The following FAF1 variants were observed in gnomAD, a reference collection of about 807,000 sequenced individuals.
FAF1 encodes the protein Fas associated factor 1.
In FAF1, 25 loss-of-function variants were observed where a neutral mutation model predicts 92.5. That is an observed-to-expected ratio of 0.27 (90% CI 0.20 to 0.38). FAF1 has a LOEUF of 0.38. FAF1 is among the 10% of genes least tolerant of loss of function. FAF1 has a pLI of 1.00. For missense variants in FAF1, 636 were observed against 793.3 expected, an observed-to-expected ratio of 0.80 and a Z score of 2.38; for synonymous variants, 234 against 273.2, an observed-to-expected ratio of 0.86 and a Z score of 1.42.
chr1:50,520,777 C>T (rs927469677), intron 15 of FAF1, among the ~76,000 whole-genome samples: 3 of 152,082 alleles, frequency 2.0e-5, no homozygotes, highest in Non-Finnish European at 2.9e-5. Flanking sequence ...CCTGGGAGGT[C>T]GAGGCTGCAG....
rs1024196473 is a variant in FAF1 at position 50,951,158 on chromosome 1, G to A, written c.45+8609C>T. On this transcript the variant is annotated intron_variant, in intron 1 of 18. Transcript: ENST00000396153. ...CTAAGGCAGGAGAACTGCCTGAACC[G>A]GGGAGATGGAGGTTGCACTGAGCCA... 4.6e-5 allele frequency among the ~76,000 whole-genome samples: 7 copies of A among 152,296 alleles called. No individual in the cohort carries two copies. The South Asian group carries it at 6.2e-4, about 14-fold the overall frequency.
chr1:50,627,061 A>T (rs1054562573), intron 8 of FAF1, among the ~76,000 whole-genome samples: 1 of 152,140 alleles, frequency 6.6e-6, no homozygotes, highest in African/African-American at 2.4e-5. Flanking sequence ...TCAATTTTGG[A>T]TATGGTAAAT....
intron 8 of FAF1, among the ~76,000 whole-genome samples, chr1:50,642,047 C>CA (rs1237708707): frequency 2.6e-5 from 4 of 151,712 alleles, no homozygotes; most frequent in East Asian, 1.9e-4. Context: ...TACTGAAATA[C>CA]AAAAAATCAA....
At chr1:50,546,863 CA>C (rs1205534271) in intron 13 of FAF1, among the ~76,000 whole-genome samples, 16 of 152,210 alleles carry the variant, frequency 1.1e-4, no homozygotes, top group Admixed American at 9.8e-4. Context: ...AGAAAAACTG[CA>C]TGTAATCCCA....
intron 12 of FAF1, among the ~76,000 whole-genome samples, chr1:50,573,817 C>CAAAAAAAAAAAAAAAAAAAAAAAAAAAA (rs199900774): frequency 7.6e-6 from 1 of 132,000 alleles, no homozygotes; most frequent in Non-Finnish European, 1.7e-5. Context: ...GGGTTAAAAA[C>CAAAAAAAAAAAAAAAAAAAAAAAAAAAA]AAAAAAAAAA....
intron 2 of FAF1, among the ~76,000 whole-genome samples, chr1:50,841,756 T>A (rs945390663): frequency 1.3e-5 from 2 of 150,576 alleles, no homozygotes; most frequent in Non-Finnish European, 3.0e-5. Flanking sequence ...GATAGTAAAA[T>A]TTTTTTTAAG....
chr1:50,548,641 G>T (rs545852489), intron 13 of FAF1, among the ~76,000 whole-genome samples: 7 of 152,154 alleles, frequency 4.6e-5, no homozygotes, highest in Non-Finnish European at 8.8e-5. Flanking sequence ...AAATAAGCAG[G>T]TGTTGGTCCA....
intron 1 of FAF1, among the ~76,000 whole-genome samples, chr1:50,920,329 A>G (rs185186939): frequency 1.3e-5 from 2 of 152,064 alleles, no homozygotes; most frequent in African/African-American, 4.8e-5. Flanking sequence ...TAAAGAAAGA[A>G]AATATGCTTT....
At chr1:50,491,685 G>C in intron 16 of FAF1, 36 bp downstream of exon 16, 2 of 1,444,898 alleles carry the variant, frequency 1.4e-6, no homozygotes, top group East Asian at 2.3e-5. Context: ...ATGAACAATT[G>C]AGTTCTTTAT....
intron 4 of FAF1, among the ~76,000 whole-genome samples, chr1:50,777,816 T>C (rs1027203369): frequency 1.6e-4 from 25 of 151,720 alleles, no homozygotes; most frequent in Admixed American, 1.3e-4. Context: ...CCAGATTAAG[T>C]GATGGCAAGG....
chr1:50,481,359 G>A (rs925772889), intron 17 of FAF1, among the ~76,000 whole-genome samples: 1 of 152,076 alleles, frequency 6.6e-6, no homozygotes, highest in African/African-American at 2.4e-5. Flanking sequence ...CCCTACACAG[G>A]TGCAACATTT....
intron 16 of FAF1, among the ~76,000 whole-genome samples, chr1:50,491,224 T>C (rs1646835412): frequency 6.6e-6 from 1 of 152,230 alleles, no homozygotes; most frequent in African/African-American, 2.4e-5. Flanking sequence ...CAGAACTCAG[T>C]GCTTCCCTTA....
chr1:50,803,085 G>T (rs1662061934), intron 2 of FAF1, among the ~76,000 whole-genome samples: 1 of 152,196 alleles, frequency 6.6e-6, no homozygotes, highest in Admixed American at 6.5e-5. Context: ...TAAATCCTTT[G>T]AGTAAAGCAA....
chr1:50,823,717 T>C (rs1570008295), intron 2 of FAF1, among the ~76,000 whole-genome samples: 1 of 150,558 alleles, frequency 6.6e-6, no homozygotes, highest in Non-Finnish European at 1.5e-5. Flanking sequence ...CTTCAAGGAA[T>C]ATCGGTTTGG....
At chr1:50,625,617 T>C (rs1653462727) in intron 8 of FAF1, among the ~76,000 whole-genome samples, 1 of 152,002 alleles carries the variant, frequency 6.6e-6, no homozygotes, top group Non-Finnish European at 1.5e-5. Context: ...GTAAGCACCT[T>C]AGAAGAGAAA....
intron 3 of FAF1, among the ~76,000 whole-genome samples, chr1:50,795,848 G>A (rs1323000063): frequency 6.6e-6 from 1 of 152,122 alleles, no homozygotes; most frequent in East Asian, 1.9e-4. Context: ...CCTAGGGAAG[G>A]AGTACCGGAT....
chr1:50,739,692 C>T (rs990568102), intron 5 of FAF1, among the ~76,000 whole-genome samples: 4 of 152,066 alleles, frequency 2.6e-5, no homozygotes, highest in Non-Finnish European at 5.9e-5. Flanking sequence ...CTCAAGCCAA[C>T]GATTTTATAG....
intron 15 of FAF1, among the ~76,000 whole-genome samples, chr1:50,519,457 G>GGGAA (rs568388948): frequency 1.6e-4 from 23 of 146,906 alleles, no homozygotes; most frequent in South Asian, 2.2e-4. Flanking sequence ...GAAGGAGGGA[G>GGGAA]GGAAGGAAGG....
chr1:50,938,036 CTG>C (rs149417808), intron 1 of FAF1, among the ~76,000 whole-genome samples: 41 of 152,306 alleles, frequency 2.7e-4, no homozygotes, highest in African/African-American at 9.9e-4. Flanking sequence ...ATTAAAGACA[CTG>C]TTTTTTTATT....
Sources: gnomAD v4.1 joint callset for allele counts (sites outside exome capture counted in the v4.1 genomes callset) on GRCh38, gnomAD v4.1.1 for gene constraint, MANE v1.5 for transcripts, NCBI Gene and HGNC (gene_info 2026-07-23, HGNC 2026-07-21) for gene names.